STAU2: variants seen among roughly 807,000 people sequenced by gnomAD.
The protein encoded by STAU2 is double-stranded RNA-binding protein Staufen homolog 2.
In STAU2, 20 loss-of-function variants were observed where a neutral mutation model predicts 65.9. That is an observed-to-expected ratio of 0.30 (90% CI 0.21 to 0.44). STAU2 has a LOEUF of 0.44. Ranked by LOEUF, STAU2 falls within the 20% of genes least tolerant of loss-of-function variation. STAU2 has a pLI of 1.00. For missense variants in STAU2, 558 were observed against 683.9 expected (o/e 0.82, Z 2.05); for synonymous variants, 232 against 233.9 (o/e 0.99, Z 0.07).
intron 11 of STAU2, among the ~76,000 whole-genome samples, chr8:73,583,185 C>T (rs1431446790): frequency 1.3e-5 from 2 of 148,884 alleles, no homozygotes; most frequent in Middle Eastern, 3.4e-3. Context: ...CTCATTCTGT[C>T]GCCCAGGCTG....
chr8:73,701,819 G>C lies in STAU2; in HGVS notation c.114+7213C>G, dbSNP rs115596673. Among the ~76,000 whole-genome samples, 10 of 152,158 alleles carry C rather than the reference G, an allele frequency of 6.6e-5. No individual in the cohort carries two copies. The East Asian group carries it at 1.9e-3, about 29-fold the overall frequency. Reference sequence around the variant, plus strand: ...GAGTGCTTACAATAGCTAAGATTTCGAATCAACCTAAGTGTCCATCAATAG... The same window carrying C: ...GAGTGCTTACAATAGCTAAGATTTCCAATCAACCTAAGTGTCCATCAATAG... On this transcript the variant is annotated intron_variant, in intron 4 of 14. Coordinates refer to ENST00000524300, the MANE Select transcript of STAU2 (RefSeq NM_001164380.2).
rs112726253 is a variant in STAU2, at chr8:73,434,894, G to A, written c.1531-12192C>T. On this transcript the variant is annotated intron_variant, in intron 13 of 14. Coordinates refer to ENST00000524300, the MANE Select transcript of STAU2 (RefSeq NM_001164380.2). ...CAATCAAAAGCCATTAATAACTCCC[G>A]CCCCTAGAATCACATTCCATATCTT... Among the ~76,000 whole-genome samples, 54 of 151,818 alleles carry A rather than the reference G, an allele frequency of 3.6e-4. 1 individual carries two copies. Among genetic ancestry groups the A allele is most frequent in the African/African-American group, 1.0e-3 (43 of 41,230 alleles).
At chr8:73,527,613 G>A (rs1264227868) in intron 13 of STAU2, 20 of 1,059,382 alleles carry the variant, frequency 1.9e-5, no homozygotes, top group African/African-American at 9.4e-5. Flanking sequence ...CTGCATGTGC[G>A]CACATAGCTT....
In STAU2 at chr8:73,688,753, T is replaced by C. The variant is rs1354968627; in HGVS notation, c.175A>G (p.Lys59Glu). Reference sequence around the variant, plus strand: ...TTGGCAACAGCCTGCTGAGCCTTCTTTATACTGCTGCCTTCGGATTCCCAT... The same window carrying C: ...TTGGCAACAGCCTGCTGAGCCTTCTCTATACTGCTGCCTTCGGATTCCCAT... ...QTWESEGSSI[K>E]KAQQAVANKA... Residue 59 changes from lysine (K) to glutamate (E), a missense_variant, in exon 5 of 15, where the codon AAG becomes GAG. Physicochemically the swap from Lys to Glu is moderately conservative, Grantham distance 56. This residue lies in a region of STAU2 where 112 missense variants were observed against 114.2 expected (regional missense o/e 0.98). Coordinates refer to ENST00000524300, the MANE Select transcript of STAU2 (RefSeq NM_001164380.2). The C allele has an allele frequency of 2.2e-5, 36 of 1,614,076 alleles. No homozygotes were observed. Among genetic ancestry groups the C allele is most frequent in the Non-Finnish European group, 3.1e-5 (36 of 1,180,042 alleles).
chr8:73,633,194 T>A (rs1814230152), intron 6 of STAU2, among the ~76,000 whole-genome samples: 1 of 152,228 alleles, frequency 6.6e-6, no homozygotes, highest in Non-Finnish European at 1.5e-5. Context: ...ACTCATCTAA[T>A]CCTCACAATA....
chr8:73,576,594 T>G (rs563527345), intron 12 of STAU2, among the ~76,000 whole-genome samples: 1 of 152,154 alleles, frequency 6.6e-6, no homozygotes, highest in Admixed American at 6.5e-5. Context: ...ATTGGTAATG[T>G]CTAGTTCTTA....
chr8:73,481,431 T>C (rs1399412818), intron 13 of STAU2, among the ~76,000 whole-genome samples: 1 of 150,894 alleles, frequency 6.6e-6, no homozygotes, highest in African/African-American at 2.5e-5. Context: ...CATGCCAAAG[T>C]TTGAGAGCCA....
intron 13 of STAU2, among the ~76,000 whole-genome samples, chr8:73,507,891 C>G (rs879822091): frequency 6.6e-6 from 1 of 152,088 alleles, no homozygotes; most frequent in Non-Finnish European, 1.5e-5. Flanking sequence ...TTTTCTTAAA[C>G]CTTATGAACC....
chr8:73,422,170 C>A (rs890947811), intron 14 of STAU2, among the ~76,000 whole-genome samples: 1 of 152,142 alleles, frequency 6.6e-6, no homozygotes, highest in Non-Finnish European at 1.5e-5. Flanking sequence ...CACGGAAAAC[C>A]GAATGCAGCC....
chr8:73,657,766 C>A (rs915757320), intron 6 of STAU2, among the ~76,000 whole-genome samples: 2 of 152,114 alleles, frequency 1.3e-5, no homozygotes, highest in African/African-American at 4.8e-5. Flanking sequence ...GTAATCCCAG[C>A]ACTTTGGGAG....
At chr8:73,595,799 T>A (rs1280305790) in intron 10 of STAU2, among the ~76,000 whole-genome samples, 5 of 152,120 alleles carry the variant, frequency 3.3e-5, no homozygotes, top group African/African-American at 9.7e-5. Flanking sequence ...AATATACAAG[T>A]GTTCCTACAA....
At chr8:73,444,760 T>C (rs886729420) in intron 13 of STAU2, among the ~76,000 whole-genome samples, 2 of 152,340 alleles carry the variant, frequency 1.3e-5, no homozygotes, top group East Asian at 3.9e-4. Context: ...CCCAGCACAG[T>C]GACCTGGTGA....
chr8:73,503,707 ATAAT>A (rs1255765537), intron 13 of STAU2, among the ~76,000 whole-genome samples: 1 of 152,126 alleles, frequency 6.6e-6, no homozygotes, highest in East Asian at 1.9e-4. Flanking sequence ...AGAATATTAA[ATAAT>A]TAAACAAGTG....
chr8:73,487,364 C>G (rs985862918), intron 13 of STAU2, among the ~76,000 whole-genome samples: 12 of 152,060 alleles, frequency 7.9e-5, no homozygotes, highest in African/African-American at 2.4e-4. Context: ...TTTGGTCTTT[C>G]TCTCCCACTA....
At chr8:73,582,081 T>C (rs1175232129) in intron 12 of STAU2, among the ~76,000 whole-genome samples, 1 of 152,134 alleles carries the variant, frequency 6.6e-6, no homozygotes, top group East Asian at 1.9e-4. Context: ...AGGGAGAGTA[T>C]TAAGGAAAAA....
At chr8:73,436,930 C>A (rs972099031) in intron 13 of STAU2, among the ~76,000 whole-genome samples, 4 of 152,108 alleles carry the variant, frequency 2.6e-5, no homozygotes, top group African/African-American at 9.7e-5. Flanking sequence ...CATGTTTTTC[C>A]TGTAATATTC....
intron 13 of STAU2, among the ~76,000 whole-genome samples, chr8:73,460,071 G>A (rs905599759): frequency 2.6e-5 from 4 of 152,158 alleles, no homozygotes; most frequent in Non-Finnish European, 4.4e-5. Flanking sequence ...CCTCTACTCA[G>A]CAGTGGCTGC....
At chr8:73,500,094 G>A (rs1451592200) in intron 13 of STAU2, among the ~76,000 whole-genome samples, 1 of 151,786 alleles carries the variant, frequency 6.6e-6, no homozygotes, top group African/African-American at 2.4e-5. Context: ...AAAAGCACAA[G>A]ACCCATTCTT....
Position 73,505,229 on chromosome 8 carries a change from C to A in STAU2, c.1530+46783G>T, listed in dbSNP as rs75182394. Reference sequence around the variant, plus strand: ...GAGTGCAGCCCAGGGCTAAAAATGGCAGAAGAGATTTTTTTAAGCAAGTAA... The same window carrying A: ...GAGTGCAGCCCAGGGCTAAAAATGGAAGAAGAGATTTTTTTAAGCAAGTAA... On this transcript the variant is annotated intron_variant, in intron 13 of 14. Transcript: ENST00000524300. Among the ~76,000 whole-genome samples the A allele has an allele frequency of 1.8e-3, 275 of 151,684 alleles. 5 individuals are homozygous for A. In the East Asian group the frequency reaches 0.04, roughly 22 times the overall value.
Sources: allele counts gnomAD v4.1 joint callset (sites outside exome capture counted in the v4.1 genomes callset), GRCh38; gene constraint gnomAD v4.1.1; regional missense constraint gnomAD v4.1.1; transcripts MANE v1.5; gene names NCBI Gene and HGNC (gene_info 2026-07-23, HGNC 2026-07-21).